GRIA4: variants seen among roughly 807,000 people sequenced by gnomAD.
The protein encoded by GRIA4 is glutamate ionotropic receptor AMPA type subunit 4, also known as glutamate receptor 4.
GRIA4 carries 34 observed loss-of-function variants against 104.0 expected under a neutral mutation model. The ratio of observed to expected loss-of-function variants is 0.33; its 90% confidence interval spans 0.25 to 0.44. GRIA4 has a LOEUF of 0.44. Among genes scored for constraint, GRIA4 ranks in the 20% least tolerant of loss-of-function variants. The pLI, the probability that GRIA4 is intolerant of heterozygous loss-of-function variation, is 1.00. For missense variants in GRIA4, 750 were observed against 1,096.5 expected, an observed-to-expected ratio of 0.68 and a Z score of 4.46; for synonymous variants, 386 against 381.9, an observed-to-expected ratio of 1.01 and a Z score of -0.13.
Position 105,633,137 on chromosome 11 carries a change from G to C in GRIA4, c.247+20703G>C, listed in dbSNP as rs187862509. On this transcript the variant is annotated intron_variant, in intron 3 of 16. Transcript: ENST00000282499. ...TACAAGAAAGGTAACTTCTATAGGT[G>C]CTCACTAACGACTCAATGAATTAGT... Among the ~76,000 whole-genome samples the C allele has an allele frequency of 3.5e-3, 538 of 152,236 alleles. 3 individuals carry two copies. Among genetic ancestry groups the C allele is most frequent in the Non-Finnish European group, 6.5e-3 (441 of 68,018 alleles).
intron 3 of GRIA4, among the ~76,000 whole-genome samples, chr11:105,686,556 G>A (rs1836019555): frequency 4.6e-5 from 7 of 152,122 alleles, no homozygotes; most frequent in Admixed American, 4.6e-4. Flanking sequence ...TGTCTTTTTG[G>A]TAGAACAATT....
At chr11:105,676,283 T>A (rs2135452306) in intron 3 of GRIA4, among the ~76,000 whole-genome samples, 1 of 151,812 alleles carries the variant, frequency 6.6e-6, no homozygotes, top group African/African-American at 2.4e-5. Context: ...CAGCAGCAGT[T>A]GGTATCTACT....
chr11:105,625,330 G>C (rs779883928), intron 3 of GRIA4, among the ~76,000 whole-genome samples: 1 of 152,046 alleles, frequency 6.6e-6, no homozygotes, highest in Non-Finnish European at 1.5e-5. Context: ...GAGAGAAACT[G>C]TTTCTTGATT....
At chr11:105,636,934 A>G (rs778913293) in intron 3 of GRIA4, among the ~76,000 whole-genome samples, 1 of 152,146 alleles carries the variant, frequency 6.6e-6, no homozygotes, top group Non-Finnish European at 1.5e-5. Context: ...CCACATAATC[A>G]TTCAATCTGC....
intron 4 of GRIA4, among the ~76,000 whole-genome samples, chr11:105,804,559 G>A (rs1309699737): frequency 6.6e-6 from 1 of 151,912 alleles, no homozygotes; most frequent in African/African-American, 2.4e-5. Flanking sequence ...TAGACATAAG[G>A]CAGCCTTGAT....
At chr11:105,798,278 GTA>G (rs1277042772) in intron 4 of GRIA4, among the ~76,000 whole-genome samples, 1 of 152,086 alleles carries the variant, frequency 6.6e-6, no homozygotes, top group Non-Finnish European at 1.5e-5. Flanking sequence ...ACATGAGAAG[GTA>G]TATTTAACAA....
At chr11:105,928,031 T>C (rs1408809083) in intron 13 of GRIA4, among the ~76,000 whole-genome samples, 1 of 152,008 alleles carries the variant, frequency 6.6e-6, no homozygotes, top group Non-Finnish European at 1.5e-5. Context: ...AATGTATTTA[T>C]TTATAATCTT....
chr11:105,702,871 T>C (rs1490079298), intron 3 of GRIA4, among the ~76,000 whole-genome samples: 1 of 151,902 alleles, frequency 6.6e-6, no homozygotes, highest in African/African-American at 2.4e-5. Context: ...ATTTTTGTAT[T>C]TTTAGCAGAG....
intron 14 of GRIA4, among the ~76,000 whole-genome samples, chr11:105,940,429 T>G (rs1174645210): frequency 6.6e-6 from 1 of 152,122 alleles, no homozygotes; most frequent in East Asian, 1.9e-4. Flanking sequence ...CTCTTTATAT[T>G]TGCAATAGGT....
chr11:105,922,217 G>A (rs1233673145), intron 11 of GRIA4, among the ~76,000 whole-genome samples: 3 of 152,066 alleles, frequency 2.0e-5, no homozygotes, highest in African/African-American at 4.8e-5. Flanking sequence ...GTAGCTATTC[G>A]TTTTATAATA....
In GRIA4 at chr11:105,753,150, A is replaced by T. The variant is rs775378055; in HGVS notation, c.417A>T (p.Arg139=). 6.2e-7 allele frequency: 1 copy of T among 1,613,706 alleles called. No homozygotes were observed. The highest frequency in any genetic ancestry group is 1.7e-5 in the Admixed American group (1 of 59,998). ...TGCTGCAACTAAGACCTTCGTTACG[A>T]GGAGCACTCTTGAGTTTGCTGGATC... is the stretch of plus-strand genomic sequence containing the variant. The part of the protein sequence containing the change: ...QFVLQLRPSL[R]GALLSLLDHY... The change falls in exon 4 of 17, where the codon CGA becomes CGT. Residue 139 remains arginine, a synonymous_variant. Coordinates refer to ENST00000282499, the MANE Select transcript of GRIA4 (RefSeq NM_000829.4).
At position 105,611,048 on chromosome 11, in the gene GRIA4, A is replaced by C; in HGVS notation, c.51A>C (p.Gly17=). The C allele has an allele frequency of 6.2e-7, 1 of 1,612,920 alleles. No homozygotes were observed. The highest frequency in any genetic ancestry group is 8.5e-7 in the Non-Finnish European group (1 of 1,179,582). ...TCTTGTTATTTTCTGGATTTTGGGG[A>C]CTCGCCATGGGAGCCTTTCCGAGCA... is the stretch of plus-strand genomic sequence containing the variant. ...QIVLLFSGFW[G]LAMGAFPSSV... is the part of the protein sequence containing the mutation. The change falls in exon 2 of 17, where the codon GGA becomes GGC. Residue 17 remains glycine, a synonymous_variant. Coordinates refer to ENST00000282499, the MANE Select transcript of GRIA4 (RefSeq NM_000829.4).
At chr11:105,794,496 T>TATATATATATATAC (rs1565241344) in intron 4 of GRIA4, among the ~76,000 whole-genome samples, 1 of 120,662 alleles carries the variant, frequency 8.3e-6, no homozygotes, top group Non-Finnish European at 1.7e-5. Context: ...TATATATATA[T>TATATATATATATAC]ATATATATAT....
chr11:105,661,634 T>C (rs1235079381), intron 3 of GRIA4, among the ~76,000 whole-genome samples: 4 of 151,528 alleles, frequency 2.6e-5, no homozygotes, highest in East Asian at 1.9e-4. Context: ...GACGTATAAA[T>C]TGATGAAAAA....
chr11:105,805,255 GCTAATTAA>G (rs1942898538), intron 4 of GRIA4, among the ~76,000 whole-genome samples: 1 of 151,696 alleles, frequency 6.6e-6, no homozygotes, highest in African/African-American at 2.4e-5. Flanking sequence ...CTCAGTATTA[GCTAATTAA>G]TGTGACTCAT....
At chr11:105,910,143 T>A (rs897087213) in intron 9 of GRIA4, among the ~76,000 whole-genome samples, 2 of 152,152 alleles carry the variant, frequency 1.3e-5, no homozygotes, top group African/African-American at 4.8e-5. Flanking sequence ...CATAAAATAA[T>A]GCACCGTGCT....
rs574337688 is a variant in GRIA4, at chr11:105,754,225, T to C, written c.487+1005T>C. On this transcript the variant is annotated intron_variant, in intron 4 of 16. Transcript: ENST00000282499. The stretch of plus-strand genomic sequence containing the variant: ...TTCTGTCCCTAGAAATTCCAGGGGG[T>C]TTAGTAATAGTAAGTCAGGAAACAG... Among the ~76,000 whole-genome samples, 13 of 152,106 alleles carry C rather than the reference T, an allele frequency of 8.5e-5. No individual in the cohort carries two copies. In the South Asian group the frequency reaches 2.7e-3, roughly 32 times the overall value.
At chr11:105,919,055 T>TC in intron 11 of GRIA4, 137 bp downstream of exon 11, 1 of 593,986 alleles carries the variant, frequency 1.7e-6, no homozygotes, top group South Asian at 2.1e-5. Context: ...AGTGTTTAAA[T>TC]CTTTCTCTAT....
At chr11:105,782,757 A>G (rs1941783750) in intron 4 of GRIA4, among the ~76,000 whole-genome samples, 1 of 152,134 alleles carries the variant, frequency 6.6e-6, no homozygotes, top group African/African-American at 2.4e-5. Context: ...TTCCTCCTCT[A>G]TGTAAGACCA....
Sources: gnomAD v4.1 joint callset for allele counts (sites outside exome capture counted in the v4.1 genomes callset) on GRCh38, gnomAD v4.1.1 for gene constraint, MANE v1.5 for transcripts, NCBI Gene and HGNC (gene_info 2026-07-23, HGNC 2026-07-21) for gene names.